Variants in CBFB observed in about 807,000 individuals in gnomAD.
The protein encoded by CBFB is core-binding factor subunit beta, also known as CBF-beta.
Under a neutral mutation model 30.4 loss-of-function variants are expected in CBFB, and 9 were observed. The ratio of observed to expected loss-of-function variants is 0.30; its 90% CI spans 0.18 to 0.52. The LOEUF is 0.52. CBFB is among the 20% of genes least tolerant of loss of function. The probability of loss-of-function intolerance (pLI) is 0.97; values close to 1 mark genes in which losing one functional copy is unlikely to be tolerated. For synonymous variants in CBFB, 94 were observed against 84.0 expected (o/e 1.12, Z -0.65); for missense variants, 170 against 244.0 (o/e 0.70, Z 2.02).
At chr16:67,056,467 A>T (rs1457272622) in intron 3 of CBFB, among the ~76,000 whole-genome samples, 1 of 152,222 alleles carries the variant, frequency 6.6e-6, no homozygotes, top group Admixed American at 6.5e-5. Flanking sequence ...GTGTTCACTG[A>T]TACAGTGTTC....
chr16:67,063,304 A>G (rs977053327), intron 3 of CBFB, among the ~76,000 whole-genome samples: 1 of 152,064 alleles, frequency 6.6e-6, no homozygotes, highest in East Asian at 1.9e-4. Context: ...GAGAAATGGA[A>G]CCTTTTGTAT....
At chr16:67,063,409 C>T (rs1960965257) in intron 3 of CBFB, among the ~76,000 whole-genome samples, 1 of 152,064 alleles carries the variant, frequency 6.6e-6, no homozygotes, top group Admixed American at 6.6e-5. Flanking sequence ...AGGGGAATGA[C>T]ACAAATATGT....
chr16:67,049,614 TG>T (rs1218455544), intron 3 of CBFB, among the ~76,000 whole-genome samples: 15 of 152,148 alleles, frequency 9.9e-5, no homozygotes, highest in African/African-American at 3.4e-4. Flanking sequence ...TCCACCTCAC[TG>T]GGACTGTAGG....
chr16:67,048,763 C>T (rs988719389), intron 3 of CBFB, among the ~76,000 whole-genome samples: 3 of 149,608 alleles, frequency 2.0e-5, no homozygotes, highest in Non-Finnish European at 3.0e-5. Flanking sequence ...CCATGTTAGC[C>T]AGGATGGTCT....
intron 3 of CBFB, among the ~76,000 whole-genome samples, chr16:67,045,158 G>C (rs889990167): frequency 6.6e-6 from 1 of 151,986 alleles, no homozygotes; most frequent in African/African-American, 2.4e-5. Context: ...TTAAAGAAAA[G>C]TTTTTATTTT....
chr16:67,056,667 G>A (rs1016059742), intron 3 of CBFB, among the ~76,000 whole-genome samples: 2 of 150,566 alleles, frequency 1.3e-5, no homozygotes, highest in East Asian at 3.9e-4. Flanking sequence ...CAGCAGACCT[G>A]CCTGGATTCT....
intron 3 of CBFB, among the ~76,000 whole-genome samples, chr16:67,045,993 A>G (rs1333204260): frequency 2.0e-5 from 3 of 151,396 alleles, no homozygotes; most frequent in Non-Finnish European, 4.4e-5. Context: ...ATGGGGTTTC[A>G]CCATTTTGGC....
In CBFB at chr16:67,036,623, T is replaced by TTG. The variant is rs1567604052; in HGVS notation, c.166-15_166-14dup. 6.2e-6 allele frequency: 9 copies of TTG among 1,453,314 alleles called. No homozygotes were observed. The highest frequency in any genetic ancestry group is 1.7e-4 in the Middle Eastern group (1 of 5,742). The allele number at this position is 1,453,314 out of a possible 1,614,324, so 90.0% of individuals were successfully genotyped here. A position where few individuals can be genotyped will look rare whatever the true frequency, so the allele number is the denominator to read the frequency against. On this transcript the variant is annotated splice_polypyrimidine_tract_variant and intron_variant, in intron 2 of 5. Coordinates refer to ENST00000412916, the MANE Select transcript of CBFB (RefSeq NM_022845.3). Reference sequence around the variant, plus strand: ...TGTCCTGCTCCTGATCCTGTTTGTATTGATTTTTCTAAAAGGCTTTTGTGG... The same window carrying TTG: ...TGTCCTGCTCCTGATCCTGTTTGTATTGTGATTTTTCTAAAAGGCTTTTGTGG...
At chr16:67,043,809 A>G (rs1203063275) in intron 3 of CBFB, among the ~76,000 whole-genome samples, 2 of 152,140 alleles carry the variant, frequency 1.3e-5, no homozygotes, top group Non-Finnish European at 2.9e-5. Flanking sequence ...GTGAGATTAT[A>G]GCTAACTGAT....
At chr16:67,092,698 C>CTCTTTTT (rs1961925973) in intron 5 of CBFB, among the ~76,000 whole-genome samples, 20 of 33,528 alleles carry the variant, frequency 6.0e-4, no homozygotes, top group African/African-American at 2.3e-3. Flanking sequence ...GTGGTGCAAT[C>CTCTTTTT]TTTTTTTTTT....
chr16:67,060,525 C>T (rs946184093), intron 3 of CBFB, among the ~76,000 whole-genome samples: 1 of 152,026 alleles, frequency 6.6e-6, no homozygotes, highest in African/African-American at 2.4e-5. Context: ...ATTTAGCTTT[C>T]TGTACGTTTC....
intron 2 of CBFB, among the ~76,000 whole-genome samples, chr16:67,032,359 T>G (rs1446669219): frequency 6.6e-6 from 1 of 152,230 alleles, no homozygotes; most frequent in Non-Finnish European, 1.5e-5. Flanking sequence ...CGACACATTT[T>G]ACAAGTTTTA....
chr16:67,086,349 C>A (rs1322257747), intron 5 of CBFB, among the ~76,000 whole-genome samples: 1 of 152,212 alleles, frequency 6.6e-6, no homozygotes, highest in Non-Finnish European at 1.5e-5. Context: ...CAGGCCTTTC[C>A]TCAGTCTTCT....
At chr16:67,052,098 T>A (rs1960571599) in intron 3 of CBFB, among the ~76,000 whole-genome samples, 1 of 152,058 alleles carries the variant, frequency 6.6e-6, no homozygotes, top group South Asian at 2.1e-4. Flanking sequence ...CAGGCTGGTC[T>A]CGAACTTGTG....
At chr16:67,059,963 T>C (rs1960846172) in intron 3 of CBFB, among the ~76,000 whole-genome samples, 1 of 149,136 alleles carries the variant, frequency 6.7e-6, no homozygotes, top group African/African-American at 2.6e-5. Context: ...TTTAATTCTT[T>C]CTTTCTTTCT....
rs902600106 is a variant in CBFB, at chr16:67,098,963, T to G, written c.*185T>G. The G allele has an allele frequency of 2.2e-6, 1 of 451,722 alleles. No individual in the cohort carries two copies. Among genetic ancestry groups the G allele is most frequent in the African/African-American group, 2.0e-5 (1 of 49,356 alleles). The allele number at this position is 451,722 out of a possible 1,614,324, so 28.0% of individuals were successfully genotyped here. On this transcript the variant is annotated 3_prime_UTR_variant, in exon 6 of 6. Transcript: ENST00000412916. The stretch of plus-strand genomic sequence containing the variant: ...TGCACTATGATTATAATACCTGCAT[T>G]TCTAATTTTTTAAGCATGTAGCCAG...
At chr16:67,041,580 C>T (rs1486059619) in intron 3 of CBFB, among the ~76,000 whole-genome samples, 1 of 151,536 alleles carries the variant, frequency 6.6e-6, no homozygotes, top group African/African-American at 2.4e-5. Flanking sequence ...CCAGCCTGGG[C>T]AACAAGAGTG....
intron 5 of CBFB, among the ~76,000 whole-genome samples, chr16:67,086,545 T>C (rs1961736409): frequency 6.6e-6 from 1 of 152,246 alleles, no homozygotes; most frequent in Non-Finnish European, 1.5e-5. Flanking sequence ...CACTGCTTAG[T>C]TGTTCATTGG....
intron 3 of CBFB, among the ~76,000 whole-genome samples, chr16:67,055,340 T>C (rs1181128324): frequency 1.3e-5 from 2 of 150,972 alleles, no homozygotes; most frequent in South Asian, 2.1e-4. Flanking sequence ...TTAAATCTAT[T>C]GAATTCCAGA....
Sources: allele counts gnomAD v4.1 joint callset (sites outside exome capture counted in the v4.1 genomes callset), GRCh38; gene constraint gnomAD v4.1.1; transcripts MANE v1.5; gene names NCBI Gene and HGNC (gene_info 2026-07-23, HGNC 2026-07-21).